Variants in LRMDA observed in about 807,000 individuals in gnomAD.
LRMDA encodes the protein leucine-rich melanocyte differentiation-associated protein.
Under a neutral mutation model 29.8 loss-of-function variants are expected in LRMDA, and 18 were observed. The observed-to-expected ratio is 0.60, with a 90% CI of 0.42 to 0.90. LRMDA has a LOEUF of 0.90. Among genes scored for constraint, LRMDA ranks in the 40% least tolerant of loss-of-function variants. The probability of loss-of-function intolerance (pLI) is 0.00; values close to 1 mark genes in which losing one functional copy is unlikely to be tolerated. For missense variants in LRMDA, 273 were observed against 273.9 expected, an observed-to-expected ratio of 1.00 and a Z score of 0.02; for synonymous variants, 125 against 109.4, an observed-to-expected ratio of 1.14 and a Z score of -0.89.
chr10:76,522,585 T>TA (rs1843131929), intron 6 of LRMDA, among the ~76,000 whole-genome samples: 1 of 152,230 alleles, frequency 6.6e-6, no homozygotes, highest in Non-Finnish European at 1.5e-5. Context: ...TGATGGATCT[T>TA]ATACGTGGCA....
intron 2 of LRMDA, among the ~76,000 whole-genome samples, chr10:75,664,736 G>A (rs1320671752): frequency 1.3e-5 from 2 of 152,206 alleles, no homozygotes; most frequent in East Asian, 3.8e-4. Flanking sequence ...CACTGTGGCA[G>A]GATGAAAAAG....
chr10:76,147,396 T>G (rs897334648), intron 5 of LRMDA, among the ~76,000 whole-genome samples: 32 of 152,152 alleles, frequency 2.1e-4, no homozygotes, highest in Non-Finnish European at 4.3e-4. Flanking sequence ...TTTTATTCTT[T>G]TTTCTCTAAA....
intron 2 of LRMDA, among the ~76,000 whole-genome samples, chr10:75,520,396 A>C (rs1845342557): frequency 6.6e-6 from 1 of 152,046 alleles, no homozygotes; most frequent in Non-Finnish European, 1.5e-5. Flanking sequence ...TTTTTTGTCT[A>C]AACTTGTCCT....
chr10:76,520,334 T>A (rs1356363369), intron 6 of LRMDA, among the ~76,000 whole-genome samples: 1 of 152,098 alleles, frequency 6.6e-6, no homozygotes, highest in Non-Finnish European at 1.5e-5. Context: ...TAATTCTTAT[T>A]ACTCACCCTG....
intron 2 of LRMDA, among the ~76,000 whole-genome samples, chr10:75,600,000 G>A (rs1840861108): frequency 6.6e-6 from 1 of 152,098 alleles, no homozygotes; most frequent in South Asian, 2.1e-4. Context: ...ACCTTACCCA[G>A]GGCAGTAAGC....
intron 2 of LRMDA, among the ~76,000 whole-genome samples, chr10:75,868,000 A>AT (rs1015956671): frequency 2.2e-4 from 33 of 151,940 alleles, no homozygotes; most frequent in South Asian, 4.2e-4. Flanking sequence ...TCCTCTTTTG[A>AT]TTTTTTTTAA....
At chr10:75,848,046 C>T (rs868484219) in intron 2 of LRMDA, among the ~76,000 whole-genome samples, 1 of 152,142 alleles carries the variant, frequency 6.6e-6, no homozygotes, top group African/African-American at 2.4e-5. Context: ...TATGATCTAG[C>T]ACTCTCACTT....
At chr10:75,913,106 G>T (rs1845867019) in intron 2 of LRMDA, among the ~76,000 whole-genome samples, 2 of 152,016 alleles carry the variant, frequency 1.3e-5, no homozygotes, top group South Asian at 4.2e-4. Context: ...ACTGCTAGTA[G>T]TTTTTTTTCT....
At chr10:75,727,016 T>G (rs1225648315) in intron 2 of LRMDA, among the ~76,000 whole-genome samples, 2 of 152,222 alleles carry the variant, frequency 1.3e-5, no homozygotes, top group African/African-American at 4.8e-5. Context: ...CCTTACAAAT[T>G]GCTTTCACCT....
At chr10:76,447,342 T>C (rs1842363737) in intron 6 of LRMDA, among the ~76,000 whole-genome samples, 2 of 152,340 alleles carry the variant, frequency 1.3e-5, no homozygotes, top group Non-Finnish European at 2.9e-5. Context: ...GAGACAATTA[T>C]GTGCACTTTT....
chr10:75,444,141 G>A (rs1043602212), intron 2 of LRMDA, among the ~76,000 whole-genome samples: 1 of 152,162 alleles, frequency 6.6e-6, no homozygotes, highest in African/African-American at 2.4e-5. Context: ...GTTACTGTAT[G>A]TATTTTTTTT....
chr10:75,628,486 T>C (rs181216518), intron 2 of LRMDA, among the ~76,000 whole-genome samples: 1 of 152,340 alleles, frequency 6.6e-6, no homozygotes, highest in Non-Finnish European at 1.5e-5. Context: ...ATTTTCCAGC[T>C]ATGAACCTGA....
intron 2 of LRMDA, among the ~76,000 whole-genome samples, chr10:75,563,914 G>T (rs1397589477): frequency 1.3e-5 from 2 of 152,136 alleles, no homozygotes; most frequent in East Asian, 3.9e-4. Flanking sequence ...GGAGTACCCG[G>T]CCGTGTGAGG....
chr10:75,569,994 T>C (rs527994980), intron 2 of LRMDA, among the ~76,000 whole-genome samples: 1 of 152,382 alleles, frequency 6.6e-6, no homozygotes, highest in East Asian at 1.9e-4. Flanking sequence ...AGGAGACTTT[T>C]GCTTTGCTTT....
intron 5 of LRMDA, among the ~76,000 whole-genome samples, chr10:76,121,662 C>T (rs1271679883): frequency 6.6e-6 from 1 of 152,204 alleles, no homozygotes; most frequent in Non-Finnish European, 1.5e-5. Flanking sequence ...CTGTTTTCCC[C>T]AGTACGGTGA....
At chr10:75,473,575 A>G (rs1844752603) in intron 2 of LRMDA, among the ~76,000 whole-genome samples, 2 of 152,230 alleles carry the variant, frequency 1.3e-5, no homozygotes, top group African/African-American at 4.8e-5. Context: ...GCACTTAGGA[A>G]TGTGGGCTCC....
intron 5 of LRMDA, among the ~76,000 whole-genome samples, chr10:76,206,450 T>C (rs1404518119): frequency 6.6e-6 from 1 of 152,186 alleles, no homozygotes; most frequent in African/African-American, 2.4e-5. Context: ...AAAGTATGCA[T>C]GTCTGTTTTC....
intron 2 of LRMDA, among the ~76,000 whole-genome samples, chr10:75,724,706 A>G (rs1209149275): frequency 6.6e-6 from 1 of 152,166 alleles, no homozygotes; most frequent in Non-Finnish European, 1.5e-5. Context: ...GGGTTAAGCT[A>G]AAGGGTTCTT....
intron 6 of LRMDA, among the ~76,000 whole-genome samples, chr10:76,516,158 A>C (rs898423084): frequency 6.6e-6 from 1 of 152,222 alleles, no homozygotes; most frequent in Non-Finnish European, 1.5e-5. Context: ...ATATGAGCTC[A>C]TGATCAGAAA....
Sources: allele counts gnomAD v4.1 joint callset (sites outside exome capture counted in the v4.1 genomes callset), GRCh38; gene constraint gnomAD v4.1.1; transcripts MANE v1.5; gene names NCBI Gene and HGNC (gene_info 2026-07-23, HGNC 2026-07-21).